CUX1: variants seen among roughly 807,000 people sequenced by gnomAD.
CUX1 encodes cut like homeobox 1.
CUX1 carries 31 observed loss-of-function variants against 158.8 expected under a neutral mutation model. That is an observed-to-expected ratio of 0.20 (90% CI 0.15 to 0.26). The LOEUF (loss-of-function observed/expected upper bound fraction) is 0.26. Among genes scored for constraint, CUX1 ranks in the 10% least tolerant of loss-of-function variants. The pLI is 1.00. For synonymous variants in CUX1, 879 were observed against 862.1 expected (o/e 1.02, Z -0.34); for missense variants, 1,589 against 2,014.6 (o/e 0.79, Z 4.04).
At position 102,188,204 on chromosome 7, in the gene CUX1, T is replaced by TAA. The variant is rs35225944; in HGVS notation, c.1018-1599_1018-1598dup. On this transcript the variant is annotated intron_variant, in intron 11 of 23. Transcript: ENST00000292535. The stretch of plus-strand genomic sequence containing the variant: ...ACAGAGCAAGATCCTGTCTCTTTTT[T>TAA]AAAAAAAAAAAGAAGAAGAAGAACA... 6.8e-4 allele frequency among the ~76,000 whole-genome samples: 100 copies of TAA among 147,318 alleles called. 1 individual carries two copies. The East Asian group carries it at 8.2e-3, about 12-fold the overall frequency.
At chr7:102,276,594 G>GC (rs2132821389) in intron 17 of CUX1, among the ~76,000 whole-genome samples, 1 of 152,298 alleles carries the variant, frequency 6.6e-6, no homozygotes, top group East Asian at 1.9e-4. Context: ...GAGCCACCGC[G>GC]CTGGCCACTG....
intron 7 of CUX1, among the ~76,000 whole-genome samples, chr7:102,114,486 A>G (rs761043148): frequency 6.6e-6 from 1 of 152,226 alleles, no homozygotes; most frequent in Non-Finnish European, 1.5e-5. Context: ...CATTTTGGCC[A>G]GGCTGGTCTC....
At position 102,252,508 on chromosome 7, in the gene CUX1, G is replaced by C. The variant is rs1163999102; in HGVS notation, c.*3466G>C. On this transcript the variant is annotated 3_prime_UTR_variant, in exon 24 of 24. Coordinates refer to ENST00000292535, the MANE Select transcript of CUX1 (RefSeq NM_181552.4). ...AAGCTCCATTATGCCATTTTAAATG[G>C]CTTCTTTTTGTTAATTGGAGGCATT... 1.1e-5 allele frequency: 11 copies of C among 985,324 alleles called. No homozygotes were observed. In the African/African-American group the frequency reaches 1.9e-4, roughly 17 times the overall value. 61.0% of individuals were successfully genotyped at this position (985,324 alleles called of 1,614,324 possible). A position where few individuals can be genotyped will look rare whatever the true frequency, so the allele number is the denominator to read the frequency against.
chr7:101,917,778 C>T (rs1416644683), intron 2 of CUX1, among the ~76,000 whole-genome samples: 1 of 152,062 alleles, frequency 6.6e-6, no homozygotes, highest in African/African-American at 2.4e-5. Flanking sequence ...AGTGGTCACC[C>T]ACCGTTCTGT....
chr7:102,282,885 C>T, intron 22 of CUX1: 1 of 993,062 alleles, frequency 1.0e-6, no homozygotes. Context: ...CCCTCCATCA[C>T]AGCCCCCCAT....
At chr7:102,142,661 C>A (rs1342569659) in intron 8 of CUX1, among the ~76,000 whole-genome samples, 4 of 149,888 alleles carry the variant, frequency 2.7e-5, no homozygotes, top group African/African-American at 4.9e-5. Context: ...ATGGTGCACA[C>A]CTGTAGTCCC....
At chr7:101,937,791 G>C (rs1228212592) in intron 2 of CUX1, among the ~76,000 whole-genome samples, 1 of 152,194 alleles carries the variant, frequency 6.6e-6, no homozygotes, top group African/African-American at 2.4e-5. Flanking sequence ...GGGATTACAG[G>C]CGAGAGCCAC....
intron 1 of CUX1, among the ~76,000 whole-genome samples, chr7:101,854,575 T>C (rs1796594501): frequency 6.6e-6 from 1 of 152,150 alleles, no homozygotes; most frequent in African/African-American, 2.4e-5. Flanking sequence ...TGGCCACTGC[T>C]CAGCCAGTGG....
intron 6 of CUX1, among the ~76,000 whole-genome samples, chr7:102,109,559 G>T (rs1008693555): frequency 1.3e-5 from 2 of 152,026 alleles, no homozygotes; most frequent in African/African-American, 4.8e-5. Context: ...TAAGGCAGGC[G>T]GATCACTTGA....
intron 1 of CUX1, among the ~76,000 whole-genome samples, chr7:101,852,500 C>G (rs1796370241): frequency 6.6e-6 from 1 of 151,790 alleles, no homozygotes; most frequent in Non-Finnish European, 1.5e-5. Flanking sequence ...CACCTGTAGT[C>G]CCAGCTACTT....
chr7:102,036,313 G>A (rs1272890833), intron 3 of CUX1, among the ~76,000 whole-genome samples: 2 of 152,010 alleles, frequency 1.3e-5, no homozygotes, highest in African/African-American at 4.8e-5. Flanking sequence ...TTATACATAT[G>A]CAAGAACAAA....
chr7:102,196,575 G>A lies in CUX1; in HGVS notation c.1223-59G>A, dbSNP rs1259791715. The A allele has an allele frequency of 5.0e-6, 7 of 1,396,498 alleles. No individual in the cohort carries two copies. In the African/African-American group the frequency reaches 1.0e-4, roughly 20 times the overall value. 86.5% of individuals were successfully genotyped at this position (1,396,498 alleles called of 1,614,324 possible). On this transcript the variant is annotated intron_variant, in intron 14 of 23. Transcript: ENST00000292535. ...GGGCAAACTTTTGCATTTTGGTCTTGGTTTTTTTTTCCCCCTTTGGAATCC... is the reference window on the plus strand; with the variant it reads ...GGGCAAACTTTTGCATTTTGGTCTTAGTTTTTTTTTCCCCCTTTGGAATCC...
At chr7:101,979,676 G>T (rs746007313) in intron 2 of CUX1, among the ~76,000 whole-genome samples, 7 of 151,894 alleles carry the variant, frequency 4.6e-5, no homozygotes, top group Non-Finnish European at 7.4e-5. Context: ...TTGAGACGGA[G>T]TCTTGCTCTG....
chr7:102,111,958 G>T, intron 7 of CUX1, 184 bp downstream of exon 7: 2 of 577,064 alleles, frequency 3.5e-6, no homozygotes, highest in South Asian at 4.1e-5. Context: ...ATTCCTCACT[G>T]ACTTTGAGTT....
chr7:102,073,165 C>CTTTTTTTTTTT lies in CUX1; in HGVS notation c.268+2762_268+2772dup, dbSNP rs869202667. Reference sequence around the variant, plus strand: ...AAATAATATGTAATCTCTTTTCTTTCTTTTTTTTTTTTTTTTTTTTTTTTC... The same window carrying CTTTTTTTTTTT: ...AAATAATATGTAATCTCTTTTCTTTCTTTTTTTTTTTTTTTTTTTTTTTTTTTTTTTTTTTC... On this transcript the variant is annotated intron_variant, in intron 4 of 23. Coordinates refer to ENST00000292535, the MANE Select transcript of CUX1 (RefSeq NM_181552.4). Among the ~76,000 whole-genome samples the CTTTTTTTTTTT allele has an allele frequency of 7.9e-3, 527 of 66,846 alleles. 93 individuals carry two copies. Among genetic ancestry groups the CTTTTTTTTTTT allele is most frequent in the African/African-American group, 0.013 (198 of 15,578 alleles). The allele number at this position is 66,846 out of a possible 152,430, so 43.9% of individuals were successfully genotyped here. A position where few individuals can be genotyped will look rare whatever the true frequency, so the allele number is the denominator to read the frequency against.
At chr7:101,907,209 T>C (rs1488595306) in intron 1 of CUX1, among the ~76,000 whole-genome samples, 1 of 152,182 alleles carries the variant, frequency 6.6e-6, no homozygotes, top group Non-Finnish European at 1.5e-5. Flanking sequence ...ATGGAGTCCA[T>C]GAAGAGAACA....
At chr7:101,872,896 G>A (rs1057187184) in intron 1 of CUX1, among the ~76,000 whole-genome samples, 8 of 150,276 alleles carry the variant, frequency 5.3e-5, no homozygotes, top group South Asian at 2.1e-4. Context: ...TTTTTGAGAC[G>A]GAGTCTCGCT....
chr7:101,899,919 C>T (rs1459524588), intron 1 of CUX1, among the ~76,000 whole-genome samples: 1 of 152,218 alleles, frequency 6.6e-6, no homozygotes, highest in Non-Finnish European at 1.5e-5. Flanking sequence ...AACCCCATCA[C>T]ATAGCGGCAG....
intron 20 of CUX1, among the ~76,000 whole-genome samples, chr7:102,220,365 C>CA (rs1172208307): frequency 6.6e-6 from 1 of 152,058 alleles, no homozygotes; most frequent in Non-Finnish European, 1.5e-5. Context: ...CATCTGAAAA[C>CA]AAAAAACAAA....
Sources: allele counts gnomAD v4.1 joint callset (sites outside exome capture counted in the v4.1 genomes callset), GRCh38; gene constraint gnomAD v4.1.1; transcripts MANE v1.5; gene names NCBI Gene and HGNC (gene_info 2026-07-23, HGNC 2026-07-21).